Variants in LSAMP observed in about 807,000 individuals in gnomAD.
LSAMP encodes the protein limbic system-associated membrane protein.
A neutral mutation model predicts 38.6 loss-of-function variants in LSAMP; 7 were observed. The ratio of observed to expected loss-of-function variants is 0.18; its 90% CI spans 0.10 to 0.34. The LOEUF (loss-of-function observed/expected upper bound fraction) is 0.34, where lower values mean the gene tolerates loss of function less well. LSAMP is among the 10% of genes least tolerant of loss of function. The pLI is 1.00. For missense variants in LSAMP, 313 were observed against 420.0 expected, an observed-to-expected ratio of 0.75 and a Z score of 2.23; for synonymous variants, 154 against 166.8, an observed-to-expected ratio of 0.92 and a Z score of 0.59.
At chr3:116,310,560 C>T (rs1448601841) in intron 1 of LSAMP, among the ~76,000 whole-genome samples, 2 of 152,182 alleles carry the variant, frequency 1.3e-5, no homozygotes, top group Non-Finnish European at 2.9e-5. Context: ...TCTGTATATA[C>T]AGCTATTCAG....
intron 1 of LSAMP, among the ~76,000 whole-genome samples, chr3:116,355,447 T>C (rs554300961): frequency 6.6e-6 from 1 of 152,198 alleles, no homozygotes; most frequent in Non-Finnish European, 1.5e-5. Flanking sequence ...ATCAGATGGG[T>C]TAAAGATTTA....
At chr3:115,823,651 C>A (rs181042668) in intron 6 of LSAMP, among the ~76,000 whole-genome samples, 1,813 of 151,904 alleles carry the variant, frequency 0.012, 14 homozygotes, top group Non-Finnish European at 0.021. Context: ...TTAAAAAAAA[C>A]CTTTAAATGT....
At chr3:115,825,664 GA>G (rs1295711185) in intron 6 of LSAMP, among the ~76,000 whole-genome samples, 6 of 152,260 alleles carry the variant, frequency 3.9e-5, no homozygotes, top group African/African-American at 1.4e-4. Context: ...TAATATAGGT[GA>G]AAATGCCCAA....
At chr3:115,903,279 C>T (rs1189037468) in intron 3 of LSAMP, among the ~76,000 whole-genome samples, 4 of 152,028 alleles carry the variant, frequency 2.6e-5, no homozygotes, top group African/African-American at 9.7e-5. Context: ...CACGTGGGAG[C>T]TAAATGATGA....
chr3:116,153,015 A>G (rs994010703), intron 1 of LSAMP, among the ~76,000 whole-genome samples: 1 of 151,968 alleles, frequency 6.6e-6, no homozygotes, highest in Admixed American at 6.6e-5. Context: ...GTGTCAAAAT[A>G]CTCTCAATGT....
At chr3:115,932,120 A>G (rs1937589937) in intron 3 of LSAMP, among the ~76,000 whole-genome samples, 1 of 152,252 alleles carries the variant, frequency 6.6e-6, no homozygotes, top group Non-Finnish European at 1.5e-5. Context: ...TGCTTTGATA[A>G]CATTAAGGTT....
chr3:115,819,496 T>C (rs1934157487), intron 6 of LSAMP, among the ~76,000 whole-genome samples: 1 of 152,020 alleles, frequency 6.6e-6, no homozygotes, highest in Non-Finnish European at 1.5e-5. Flanking sequence ...TCTAGCAATG[T>C]GCCTGCGTTA....
intron 1 of LSAMP, among the ~76,000 whole-genome samples, chr3:116,179,188 C>T (rs1710425512): frequency 6.6e-6 from 1 of 152,214 alleles, no homozygotes; most frequent in African/African-American, 2.4e-5. Context: ...GCTTATGCTG[C>T]TTCCTGCTGT....
chr3:116,197,163 A>ACACACACACTCTCTCTCT (rs1268040540), intron 1 of LSAMP, among the ~76,000 whole-genome samples: 32 of 139,086 alleles, frequency 2.3e-4, no homozygotes, highest in African/African-American at 7.2e-4. Context: ...ACACACACAC[A>ACACACACACTCTCTCTCT]CTCTCTCTCT....
chr3:115,824,035 A>T (rs1934331390), intron 6 of LSAMP, among the ~76,000 whole-genome samples: 1 of 152,210 alleles, frequency 6.6e-6, no homozygotes, highest in South Asian at 2.1e-4. Flanking sequence ...TGCTTTCTTA[A>T]GTCTCTTGCA....
chr3:116,158,206 A>G (rs1252901606), intron 1 of LSAMP, among the ~76,000 whole-genome samples: 1 of 152,222 alleles, frequency 6.6e-6, no homozygotes, highest in African/African-American at 2.4e-5. Context: ...AACATACTTC[A>G]TAATAATAAG....
chr3:115,814,985 C>T (rs1002168909), intron 6 of LSAMP, among the ~76,000 whole-genome samples: 3 of 152,130 alleles, frequency 2.0e-5, no homozygotes, highest in Non-Finnish European at 4.4e-5. Flanking sequence ...TGTCCATTTT[C>T]TGCCAGTACA....
chr3:116,059,211 C>G (rs1021943636), intron 2 of LSAMP, among the ~76,000 whole-genome samples: 1 of 152,100 alleles, frequency 6.6e-6, no homozygotes, highest in African/African-American at 2.4e-5. Flanking sequence ...TCTTATTTTA[C>G]TTCTTGGTGG....
intron 3 of LSAMP, among the ~76,000 whole-genome samples, chr3:115,996,064 G>T (rs1939806805): frequency 6.6e-6 from 1 of 151,808 alleles, no homozygotes; most frequent in African/African-American, 2.4e-5. Context: ...ATTTAATTTA[G>T]AACCTATTTT....
chr3:115,949,584 TA>T (rs1576247545), intron 3 of LSAMP, among the ~76,000 whole-genome samples: 1 of 151,352 alleles, frequency 6.6e-6, no homozygotes, highest in Admixed American at 6.6e-5. Flanking sequence ...GAAACACTAA[TA>T]AAAAAAATTG....
chr3:116,011,350 A>T (rs923335090), intron 3 of LSAMP, among the ~76,000 whole-genome samples: 2 of 152,230 alleles, frequency 1.3e-5, no homozygotes, highest in African/African-American at 4.8e-5. Flanking sequence ...TATACTGGTA[A>T]AATGATGGTA....
At chr3:116,169,662 C>T (rs1045154001) in intron 1 of LSAMP, among the ~76,000 whole-genome samples, 1 of 152,196 alleles carries the variant, frequency 6.6e-6, no homozygotes, top group African/African-American at 2.4e-5. Flanking sequence ...AAATTAAGCT[C>T]ATTTTATAAA....
At chr3:116,370,513 G>A (rs1482536827) in intron 1 of LSAMP, among the ~76,000 whole-genome samples, 1 of 152,192 alleles carries the variant, frequency 6.6e-6, no homozygotes, top group African/African-American at 2.4e-5. Context: ...AATTAGCAGA[G>A]TAGTAGCTAC....
chr3:115,811,236 G>C (rs553342312), intron 6 of LSAMP, among the ~76,000 whole-genome samples: 4 of 152,258 alleles, frequency 2.6e-5, no homozygotes, highest in African/African-American at 7.2e-5. Flanking sequence ...CAATTTGGGG[G>C]ATGTGGGTGT....
Sources: gnomAD v4.1 joint callset for allele counts (sites outside exome capture counted in the v4.1 genomes callset) on GRCh38, gnomAD v4.1.1 for gene constraint, MANE v1.5 for transcripts, NCBI Gene and HGNC (gene_info 2026-07-23, HGNC 2026-07-21) for gene names.